Variants in COX10 observed in about 807,000 individuals in gnomAD.
COX10 encodes cytochrome c oxidase assembly factor heme A:farnesyltransferase COX10.
COX10 carries 27 observed loss-of-function variants against 37.3 expected under a neutral mutation model. That is an observed-to-expected ratio of 0.72 (90% confidence interval 0.53 to 1.00). COX10 has a LOEUF of 1.00. Among genes scored for constraint, COX10 ranks in the 50% least tolerant of loss-of-function variants. The pLI is 0.00. For missense variants in COX10, 475 were observed against 563.2 expected (o/e 0.84, Z 1.59); for synonymous variants, 222 against 229.1 (o/e 0.97, Z 0.28).
Position 14,181,545 on chromosome 17 carries a change from CT to C in COX10, c.696-10440del, listed in dbSNP as rs373298650. Among the ~76,000 whole-genome samples the C allele has an allele frequency of 2.1e-3, 315 of 151,196 alleles. 12 individuals carry two copies. In the South Asian group the frequency reaches 0.064, roughly 31 times the overall value. On this transcript the variant is annotated intron_variant, in intron 5 of 6. Transcript: ENST00000261643. ...CTTTATAAATTGTGTTTTATTTAAGCTTTTCAAAGACTCTTTAAAATTCATT... is the reference window on the plus strand; with the variant it reads ...CTTTATAAATTGTGTTTTATTTAAGCTTTCAAAGACTCTTTAAAATTCATT...
chr17:14,189,980 G>T (rs533982650), intron 5 of COX10, among the ~76,000 whole-genome samples: 5 of 152,270 alleles, frequency 3.3e-5, no homozygotes, highest in Admixed American at 3.3e-4. Context: ...ACAGATTAGG[G>T]AGGAGATTAA....
At chr17:14,152,637 G>T (rs1026238597) in intron 4 of COX10, among the ~76,000 whole-genome samples, 2 of 152,166 alleles carry the variant, frequency 1.3e-5, no homozygotes, top group African/African-American at 4.8e-5. Context: ...AGAGCCATCT[G>T]TAAGGGAAGT....
intron 4 of COX10, among the ~76,000 whole-genome samples, chr17:14,122,019 C>T (rs1027756182): frequency 5.3e-5 from 8 of 152,040 alleles, no homozygotes; most frequent in Non-Finnish European, 1.2e-4. Flanking sequence ...TGTTGAGTAT[C>T]GTAATTGCCC....
chr17:14,153,689 A>G (rs1904965357), intron 4 of COX10, among the ~76,000 whole-genome samples: 2 of 152,250 alleles, frequency 1.3e-5, no homozygotes, highest in Non-Finnish European at 2.9e-5. Flanking sequence ...TTCGTGAAAT[A>G]GTTTGACAGT....
At position 14,207,673 on chromosome 17, in the gene COX10, C is replaced by A. The variant is rs955102373; in HGVS notation, c.*460C>A. On this transcript the variant is annotated 3_prime_UTR_variant, in exon 7 of 7. Transcript: ENST00000261643. The stretch of plus-strand genomic sequence containing the variant: ...CAGGTCCCTCAAAGGCCTCGGAGCA[C>A]CCCCTTCCTGGTGACTGAGCCAGGG... 2.6e-5 allele frequency: 4 copies of A among 156,634 alleles called. No individual in the cohort carries two copies. The highest frequency in any genetic ancestry group is 5.6e-5 in the Non-Finnish European group (4 of 70,988). 9.7% of individuals were successfully genotyped at this position (156,634 alleles called of 1,614,324 possible). A position where few individuals can be genotyped will look rare whatever the true frequency, so the allele number is the denominator to read the frequency against.
chr17:14,160,435 C>CT (rs1165620828), intron 5 of COX10, among the ~76,000 whole-genome samples: 1 of 152,172 alleles, frequency 6.6e-6, no homozygotes, highest in Non-Finnish European at 1.5e-5. Flanking sequence ...TTTAACATCA[C>CT]TAATGGTTAA....
In COX10 at chr17:14,207,082, G is replaced by T. The variant is rs372982577; in HGVS notation, c.1201G>T (p.Val401Leu). 6.2e-7 allele frequency: 1 copy of T among 1,613,932 alleles called. No individual in the cohort carries two copies. Among genetic ancestry groups the T allele is most frequent in the Non-Finnish European group, 8.5e-7 (1 of 1,179,948 alleles). Residue 401 changes from valine to leucine, a missense_variant, in exon 7 of 7, where the codon GTG becomes TTG. By Grantham distance (32) the Val-to-Leu change is conservative (BLOSUM62 1). This residue lies in a region of COX10 where 160 missense variants were observed against 180.6 expected (regional missense o/e 0.89). Coordinates refer to ENST00000261643, the MANE Select transcript of COX10 (RefSeq NM_001303.4). ...CTCCTACCTCGGCTTCCGCTTCTAC[G>T]TGGACGCAGACCGCAGGAGCTCGCG... ...YISYLGFRFY[V>L]DADRRSSRRL...
chr17:14,117,960 G>A (rs1916149819), intron 4 of COX10, among the ~76,000 whole-genome samples: 1 of 152,028 alleles, frequency 6.6e-6, no homozygotes, highest in Non-Finnish European at 1.5e-5. Flanking sequence ...ATGGGAAGGT[G>A]GTCGTCTCCC....
intron 4 of COX10, among the ~76,000 whole-genome samples, chr17:14,127,362 C>T (rs1279701948): frequency 1.3e-5 from 2 of 152,104 alleles, no homozygotes; most frequent in Non-Finnish European, 2.9e-5. Flanking sequence ...CAACTATAAG[C>T]TTATTTCAGC....
At chr17:14,078,785 G>A (rs1029252601) in intron 3 of COX10, among the ~76,000 whole-genome samples, 2 of 152,104 alleles carry the variant, frequency 1.3e-5, no homozygotes, top group African/African-American at 4.8e-5. Context: ...ATTAGCTTCT[G>A]TCTCAACCCT....
chr17:14,165,397 A>T (rs1410172514), intron 5 of COX10, among the ~76,000 whole-genome samples: 1 of 152,112 alleles, frequency 6.6e-6, no homozygotes, highest in Non-Finnish European at 1.5e-5. Context: ...ATTATATCTG[A>T]CATGGTGATC....
At chr17:14,117,098 G>A (rs1201972091) in intron 4 of COX10, among the ~76,000 whole-genome samples, 1 of 152,096 alleles carries the variant, frequency 6.6e-6, no homozygotes, top group African/African-American at 2.4e-5. Context: ...TTAGTTGTCA[G>A]TATTGTTCTG....
At chr17:14,154,483 T>C (rs187641159) in intron 4 of COX10, among the ~76,000 whole-genome samples, 136 of 152,312 alleles carry the variant, frequency 8.9e-4, no homozygotes, top group African/African-American at 2.9e-3. Flanking sequence ...TTCACATAAA[T>C]TGCAACCACA....
At chr17:14,082,827 C>T (rs1454265346) in intron 3 of COX10, among the ~76,000 whole-genome samples, 1 of 152,180 alleles carries the variant, frequency 6.6e-6, no homozygotes, top group Non-Finnish European at 1.5e-5. Context: ...TGATTCAGTT[C>T]CCCTAGGGCT....
intron 4 of COX10, among the ~76,000 whole-genome samples, chr17:14,131,228 G>T (rs1244997402): frequency 6.6e-6 from 1 of 152,056 alleles, no homozygotes. Flanking sequence ...TCAGAAAGCA[G>T]GTTAAGAAAA....
rs57658934 is a variant in COX10 at position 14,119,745 on chromosome 17, C to T, written c.624+17503C>T. On this transcript the variant is annotated intron_variant, in intron 4 of 6. Transcript: ENST00000261643. Reference sequence around the variant, plus strand: ...AGCGTGGTTTAGAAAAACTGAGAGCCCTGTGATGAGACAGAGACAGAAAGG... The same window carrying T: ...AGCGTGGTTTAGAAAAACTGAGAGCTCTGTGATGAGACAGAGACAGAAAGG... Among the ~76,000 whole-genome samples the T allele has an allele frequency of 2.9e-3, 445 of 152,088 alleles. 17 individuals are homozygous for T. In the East Asian group the frequency reaches 0.072, roughly 25 times the overall value.
At position 14,207,313 on chromosome 17, in the gene COX10, GATT is replaced by G; in HGVS notation, c.*103_*105del. ...AGAGAAATTGCTGGGTTTAGAACAA[GATT>G]ATAAACGAATTCGGTGCTCAGTGAT... On this transcript the variant is annotated 3_prime_UTR_variant, in exon 7 of 7. Coordinates refer to ENST00000261643, the MANE Select transcript of COX10 (RefSeq NM_001303.4). 1 of 1,387,346 alleles carries G rather than the reference GATT, an allele frequency of 7.2e-7. No individual in the cohort carries two copies. Among genetic ancestry groups the G allele is most frequent in the Non-Finnish European group, 9.4e-7 (1 of 1,059,758 alleles). 85.9% of individuals were successfully genotyped at this position (1,387,346 alleles called of 1,614,324 possible).
intron 1 of COX10, among the ~76,000 whole-genome samples, chr17:14,072,762 G>T (rs1915054560): frequency 6.6e-6 from 1 of 152,196 alleles, no homozygotes; most frequent in Non-Finnish European, 1.5e-5. Flanking sequence ...ATTTCTTGGG[G>T]TTGTGATAGT....
Position 14,206,854 on chromosome 17 carries a change from CA to C in COX10, c.974del (p.His325LeufsTer5). The C allele has an allele frequency of 6.2e-7, 1 of 1,614,196 alleles. No homozygotes were observed. The highest frequency in any genetic ancestry group is 8.5e-7 in the Non-Finnish European group (1 of 1,180,036). On this transcript the variant is annotated frameshift_variant, in exon 7 of 7. Coordinates refer to ENST00000261643, the MANE Select transcript of COX10 (RefSeq NM_001303.4). LOFTEE classifies it high-confidence loss of function. ...AATCCTCTACTCCTGGCAGTTTCCT[CA>C]TTTCAACGCCCTGAGCTGGGGCCTC... The part of the protein sequence containing the change: ...GGILYSWQFP[H>X]FNALSWGLRE...
Sources: gnomAD v4.1 joint callset for allele counts (sites outside exome capture counted in the v4.1 genomes callset) on GRCh38, gnomAD v4.1.1 for gene constraint, gnomAD v4.1.1 regional missense constraint, MANE v1.5 for transcripts, NCBI Gene and HGNC (gene_info 2026-07-23, HGNC 2026-07-21) for gene names.